Variants in SYNE1 observed in about 807,000 individuals in gnomAD.
SYNE1 encodes the protein nesprin-1.
A neutral mutation model predicts 1,111.0 loss-of-function variants in SYNE1; 616 were observed. The observed-to-expected ratio is 0.55, with a 90% confidence interval of 0.52 to 0.59. The LOEUF (loss-of-function observed/expected upper bound fraction) is 0.59. Ranked by LOEUF, SYNE1 falls within the 20% of genes least tolerant of loss-of-function variation. The pLI, the probability that SYNE1 is intolerant of heterozygous loss-of-function variation, is 0.00. For synonymous variants in SYNE1, 3,855 were observed against 3,825.8 expected, an observed-to-expected ratio of 1.01 and a Z score of -0.28; for missense variants, 10,006 against 10,417.0, an observed-to-expected ratio of 0.96 and a Z score of 1.72.
intron 3 of SYNE1, among the ~76,000 whole-genome samples, chr6:152,551,496 T>C (rs2099346661): frequency 1.3e-5 from 2 of 152,152 alleles, no homozygotes; most frequent in South Asian, 4.1e-4. Flanking sequence ...CAGCTGTGGA[T>C]GCAATCTGAG....
rs1239433639 is a variant in SYNE1 at position 152,449,623 on chromosome 6, A to G, written c.3414T>C (p.Ser1138=). 1.4e-5 allele frequency: 22 copies of G among 1,613,700 alleles called. No individual in the cohort carries two copies. Among genetic ancestry groups the G allele is most frequent in the Non-Finnish European group, 1.8e-5 (21 of 1,179,568 alleles). The change falls in exon 28 of 146, where the codon TCT becomes TCC. Residue 1138 remains serine, a synonymous_variant. Coordinates refer to ENST00000367255, the MANE Select transcript of SYNE1 (RefSeq NM_182961.4). The part of the protein sequence containing the change: ...DYTSRFSEFS[S]WISTNETQLK... ...ATTGTGTCTCATTTGTAGATATCCA[A>G]GATGAGAACTCAGAGAATCTGAAAT...
intron 130 of SYNE1, 99 bp downstream of exon 130, chr6:152,176,295 A>G: frequency 1.3e-6 from 2 of 1,523,318 alleles, no homozygotes; most frequent in Non-Finnish European, 9.1e-7. Flanking sequence ...ACCCAGGAAG[A>G]GAGACTGATT....
rs753897338 is a variant in SYNE1, at chr6:152,385,686, T to C, written c.8640A>G (p.Leu2880=). 1 of 1,614,162 alleles carries C rather than the reference T, an allele frequency of 6.2e-7. No homozygotes were observed. Among genetic ancestry groups the C allele is most frequent in the Non-Finnish European group, 8.5e-7 (1 of 1,179,998 alleles). The stretch of plus-strand genomic sequence containing the variant: ...TTCATTTCCTGACCTTAATTTTTGA[T>C]AACTTTTTCTGGGTGGCTGATGAAT... ...SGDSSATQKK[L]SKIKELIDSR... is the part of the protein sequence containing the mutation. Residue 2880 remains leucine (L), a synonymous_variant, in exon 55 of 146, where the codon TTA becomes TTG. Transcript: ENST00000367255.
rs1452896431 is a variant in SYNE1, at chr6:152,249,202, G to A, written c.19531C>T (p.Leu6511=). The A allele has an allele frequency of 6.2e-7, 1 of 1,614,048 alleles. No individual in the cohort carries two copies. The highest frequency in any genetic ancestry group is 8.5e-7 in the Non-Finnish European group (1 of 1,179,946). ...ACGGGCTGTTCAAACACATTTGCCA[G>A]TTTTTGCAGAATGATGTATTTGTTG... ...ADNKYIILQK[L]ANVFEQPVAE... Residue 6511 remains leucine (L), a synonymous_variant, in exon 105 of 146, where the codon CTG becomes TTG. Coordinates refer to ENST00000367255, the MANE Select transcript of SYNE1 (RefSeq NM_182961.4).
chr6:152,278,391 T>A, intron 97 of SYNE1, 111 bp from the exon 98 acceptor site: 1 of 1,300,218 alleles, frequency 7.7e-7, no homozygotes, highest in Admixed American at 1.7e-5. Flanking sequence ...CGGACAGGCT[T>A]TCATGATTTT....
At chr6:152,526,403 T>C (rs1016816468) in intron 4 of SYNE1, among the ~76,000 whole-genome samples, 1 of 152,240 alleles carries the variant, frequency 6.6e-6, no homozygotes, top group Non-Finnish European at 1.5e-5. Flanking sequence ...GAAGATTTAA[T>C]GCTTGAGCCT....
In SYNE1 at chr6:152,331,422, C is replaced by G. The variant is rs756578817; in HGVS notation, c.13263G>C (p.Gln4421His). ...CATCAGAGAGAGCCTTCTGGATGAC[C>G]TGTCGCTCATTGAGACCAAGATCTG... The part of the protein sequence containing the change: ...VMADLGLNER[Q>H]VIQKALSDAQ... The change falls in exon 78 of 146, where the codon CAG (glutamine) becomes CAC (histidine). Residue 4421 changes from glutamine to histidine, a missense_variant. Around this residue, in one of 7 missense-constraint regions of SYNE1, gnomAD observed 4,955 missense variants for 5,017.2 expected, o/e 0.99. Transcript: ENST00000367255. 1 of 1,614,174 alleles carries G rather than the reference C, an allele frequency of 6.2e-7. No individual in the cohort carries two copies. The highest frequency in any genetic ancestry group is 2.2e-5 in the East Asian group (1 of 44,884).
chr6:152,427,622 AT>A, intron 38 of SYNE1, 70 bp downstream of exon 38: 1 of 1,559,286 alleles, frequency 6.4e-7, no homozygotes, highest in African/African-American at 1.4e-5. Flanking sequence ...TATTTATTTT[AT>A]TATTTTAAAT....
chr6:152,449,445 A>G (rs1185043787), intron 28 of SYNE1, 88 bp downstream of exon 28: 1 of 1,017,378 alleles, frequency 9.8e-7, no homozygotes, highest in Non-Finnish European at 1.5e-6. Flanking sequence ...TTTTCCAGAA[A>G]GAAAAAAGCA....
intron 49 of SYNE1, among the ~76,000 whole-genome samples, chr6:152,398,006 A>G (rs1251775685): frequency 6.6e-6 from 1 of 152,034 alleles, no homozygotes; most frequent in East Asian, 1.9e-4. Context: ...ATCTCAAAAA[A>G]AAAAAAAAAG....
chr6:152,415,695 T>C (rs999624346), intron 41 of SYNE1, among the ~76,000 whole-genome samples: 4 of 149,494 alleles, frequency 2.7e-5, no homozygotes, highest in Admixed American at 2.0e-4. Flanking sequence ...AAGATCTACA[T>C]ATTCTTTGCT....
In SYNE1 at chr6:152,121,768, CTT is replaced by C. The variant is rs71660056; in HGVS notation, c.*666_*667del. 0.12 allele frequency: 17,680 copies of C among 150,818 alleles called. 1,230 individuals are homozygous for C. Among genetic ancestry groups the C allele is most frequent in the East Asian group, 0.31 (1,573 of 5,126 alleles). 9.3% of individuals were successfully genotyped at this position (150,818 alleles called of 1,614,324 possible). ...TAGCAAACTGTACATACATAAATAT[CTT>C]TTTTTTTTTACTATAACATTCAACT... On this transcript the variant is annotated 3_prime_UTR_variant, in exon 146 of 146. Coordinates refer to ENST00000367255, the MANE Select transcript of SYNE1 (RefSeq NM_182961.4).
chr6:152,549,526 T>G (rs1405935791), intron 3 of SYNE1, among the ~76,000 whole-genome samples: 4 of 152,230 alleles, frequency 2.6e-5, no homozygotes, highest in African/African-American at 9.6e-5. Flanking sequence ...TAGGCTTATT[T>G]CTTTGGGCCT....
chr6:152,320,451 T>C (rs2153912146), intron 84 of SYNE1, among the ~76,000 whole-genome samples: 1 of 152,266 alleles, frequency 6.6e-6, no homozygotes, highest in East Asian at 1.9e-4. Context: ...TAGTATGTCT[T>C]CTCTTTGTCT....
chr6:152,474,993 A>C (rs1472228027), intron 14 of SYNE1, among the ~76,000 whole-genome samples: 1 of 152,192 alleles, frequency 6.6e-6, no homozygotes, highest in Non-Finnish European at 1.5e-5. Context: ...CAAGTATATC[A>C]ATAATAATAA....
At chr6:152,400,979 C>T (rs765729420) in intron 47 of SYNE1, among the ~76,000 whole-genome samples, 159 bp downstream of exon 47, 4 of 152,194 alleles carry the variant, frequency 2.6e-5, no homozygotes, top group South Asian at 2.1e-4. Flanking sequence ...CAGTTCTTCA[C>T]GTGTTGCTTA....
intron 125 of SYNE1, among the ~76,000 whole-genome samples, chr6:152,207,192 A>G (rs1253297585): frequency 1.3e-5 from 2 of 152,150 alleles, no homozygotes; most frequent in Non-Finnish European, 2.9e-5. Context: ...TAGGATTCCT[A>G]GACTAATGGC....
In SYNE1 at chr6:152,148,146, C is replaced by A. The variant is rs754883031; in HGVS notation, c.24875G>T (p.Ser8292Ile). ...GGACATTGCAGACTCCAGGTCCCGA[C>A]TGAGGTCATAGTCGTGATCCCACTC... ...PLEWDHDYDL[S>I]RDLESAMSRA... is the part of the protein sequence containing the mutation. The change falls in exon 137 of 146, where the codon AGT becomes ATT. Residue 8292 changes from serine (S) to isoleucine (I), a missense_variant. Physicochemically the swap from Ser to Ile is moderately radical, Grantham distance 142. Transcript: ENST00000367255. This position sits in a 1 kb window ranked among gnomAD's most constrained non-coding sequence, Gnocchi z 4.1. 1.8e-5 allele frequency: 29 copies of A among 1,614,226 alleles called. No individual in the cohort carries two copies. The South Asian group carries it at 3.2e-4, about 18-fold the overall frequency.
chr6:152,363,271 G>A (rs1351792873), intron 63 of SYNE1, among the ~76,000 whole-genome samples: 2 of 147,250 alleles, frequency 1.4e-5, no homozygotes, highest in Non-Finnish European at 3.0e-5. Context: ...AAGGCGGGTG[G>A]ATCACGAGGT....
Sources: gnomAD v4.1 joint callset for allele counts (sites outside exome capture counted in the v4.1 genomes callset) on GRCh38, gnomAD v4.1.1 for gene constraint, gnomAD v4.1.1 regional missense constraint, Gnocchi (gnomAD v3.1) non-coding constraint, MANE v1.5 for transcripts, NCBI Gene and HGNC (gene_info 2026-07-23, HGNC 2026-07-21) for gene names.